The following MTHFD1 variants were observed in gnomAD, a reference collection of about 807,000 sequenced individuals.
MTHFD1 encodes C-1-tetrahydrofolate synthase, cytoplasmic.
A neutral mutation model predicts 110.3 loss-of-function variants in MTHFD1; 44 were observed. That is an observed-to-expected ratio of 0.40 (90% CI 0.31 to 0.51). MTHFD1 has a LOEUF of 0.51. MTHFD1 is among the 20% of genes least tolerant of loss of function. The probability of loss-of-function intolerance (pLI) is 0.60; values close to 1 mark genes in which losing one functional copy is unlikely to be tolerated. For missense variants in MTHFD1, 909 were observed against 1,173.1 expected (o/e 0.77, Z 3.29); for synonymous variants, 402 against 428.8 (o/e 0.94, Z 0.77).
Position 64,459,967 on chromosome 14 carries a change from T to C in MTHFD1, c.*213T>C, listed in dbSNP as rs1188193863. 45 of 1,501,492 alleles carry C rather than the reference T, an allele frequency of 3.0e-5. No homozygotes were observed. The highest frequency in any genetic ancestry group is 4.2e-5 in the African/African-American group (3 of 72,016). The allele number at this position is 1,501,492 out of a possible 1,614,324, so 93.0% of individuals were successfully genotyped here. A position where few individuals can be genotyped will look rare whatever the true frequency, so the allele number is the denominator to read the frequency against. ...ATAAATCATGCATGTCTGTTTACTT[T>C]AGTGACGTTCCACAGAATAAAAGGA... On this transcript the variant is annotated 3_prime_UTR_variant, in exon 28 of 28. Coordinates refer to ENST00000652337, the MANE Select transcript of MTHFD1 (RefSeq NM_005956.4).
At position 64,442,039 on chromosome 14, in the gene MTHFD1, T is replaced by A. The variant is rs2078253446; in HGVS notation, c.1885-15T>A. 1 of 1,581,980 alleles carries A rather than the reference T, an allele frequency of 6.3e-7. No individual in the cohort carries two copies. The highest frequency in any genetic ancestry group is 8.7e-7 in the Non-Finnish European group (1 of 1,150,736). On this transcript the variant is annotated splice_polypyrimidine_tract_variant and intron_variant, in intron 19 of 27. Transcript: ENST00000652337. Reference sequence around the variant, plus strand: ...AGGATTGGCAGCTCAGCTCACGGTGTCCTGGTTTCCACAGGGCACTCCAGT... The same window carrying A: ...AGGATTGGCAGCTCAGCTCACGGTGACCTGGTTTCCACAGGGCACTCCAGT...
At chr14:64,416,327 A>G (rs1042220043) in intron 6 of MTHFD1, among the ~76,000 whole-genome samples, 1 of 152,212 alleles carries the variant, frequency 6.6e-6, no homozygotes, top group Non-Finnish European at 1.5e-5. Flanking sequence ...CGGAACCAAG[A>G]TTTGAATTCA....
chr14:64,399,127 C>T (rs573878398), intron 1 of MTHFD1, among the ~76,000 whole-genome samples: 1 of 152,120 alleles, frequency 6.6e-6, no homozygotes, highest in Non-Finnish European at 1.5e-5. Context: ...TATGTGGATA[C>T]GCTGTGGTCA....
At chr14:64,458,421 C>T in intron 27 of MTHFD1, 114 bp downstream of exon 27, 2 of 781,436 alleles carry the variant, frequency 2.6e-6, no homozygotes, top group Non-Finnish European at 4.6e-6. Context: ...CAAAACATTT[C>T]TTTTCAGACT....
At chr14:64,389,609 T>A (rs2077788738) in intron 1 of MTHFD1, among the ~76,000 whole-genome samples, 1 of 151,948 alleles carries the variant, frequency 6.6e-6, no homozygotes, top group Non-Finnish European at 1.5e-5. Context: ...CTTGGGAGGC[T>A]GAGGCAGGAG....
At chr14:64,440,853 T>G (rs2078241686) in intron 18 of MTHFD1, 2 of 234,110 alleles carry the variant, frequency 8.5e-6, no homozygotes, top group Admixed American at 1.0e-4. Flanking sequence ...TTTCTAGAGT[T>G]ACATGTTTTT....
At chr14:64,416,272 A>AACAC (rs2078025911) in intron 6 of MTHFD1, among the ~76,000 whole-genome samples, 1 of 152,016 alleles carries the variant, frequency 6.6e-6, no homozygotes, top group African/African-American at 2.4e-5. Context: ...CAAACAAACA[A>AACAC]ACAAAACCAG....
intron 15 of MTHFD1, 36 bp from the exon 16 acceptor site, chr14:64,435,533 G>T: frequency 1.4e-6 from 2 of 1,382,840 alleles, no homozygotes; most frequent in African/African-American, 2.8e-5. Context: ...GCTTCTGTTT[G>T]TCTTATTTTA....
In MTHFD1 at chr14:64,435,377, A is replaced by AT. The variant is rs368272012; in HGVS notation, c.1495-186dup. On this transcript the variant is annotated intron_variant, in intron 15 of 27. Coordinates refer to ENST00000652337, the MANE Select transcript of MTHFD1 (RefSeq NM_005956.4). ...AATAAACTCAACCTACTTGGAGATAATTTTTTGTAATGTCTTTCTTTAGGC... is the reference window on the plus strand; with the variant it reads ...AATAAACTCAACCTACTTGGAGATAATTTTTTTGTAATGTCTTTCTTTAGGC... 5.0e-3 allele frequency among the ~76,000 whole-genome samples: 768 copies of AT among 152,186 alleles called. 5 individuals carry two copies. The highest frequency in any genetic ancestry group is 0.018 in the African/African-American group (734 of 41,520).
intron 17 of MTHFD1, among the ~76,000 whole-genome samples, chr14:64,439,535 A>C (rs781727012): frequency 6.6e-6 from 1 of 152,230 alleles, no homozygotes. Flanking sequence ...CAATAAGCGC[A>C]TGATTATAAG....
At chr14:64,446,198 A>G (rs886417858) in intron 22 of MTHFD1, among the ~76,000 whole-genome samples, 4 of 152,224 alleles carry the variant, frequency 2.6e-5, no homozygotes, top group Non-Finnish European at 2.9e-5. Flanking sequence ...TCCCCTTAAC[A>G]GTTCGGTGCA....
intron 1 of MTHFD1, among the ~76,000 whole-genome samples, chr14:64,400,553 G>A (rs1311638221): frequency 2.0e-5 from 3 of 152,108 alleles, no homozygotes; most frequent in Admixed American, 6.6e-5. Context: ...AGGTGTGGTG[G>A]CACAGACCTG....
intron 15 of MTHFD1, among the ~76,000 whole-genome samples, chr14:64,433,821 G>A (rs1405188730): frequency 6.6e-6 from 1 of 151,166 alleles, no homozygotes; most frequent in African/African-American, 2.4e-5. Flanking sequence ...ACCTGAGGTT[G>A]GGAGTTTGAG....
intron 3 of MTHFD1, among the ~76,000 whole-genome samples, chr14:64,411,568 T>C (rs1268815910): frequency 1.3e-5 from 2 of 152,220 alleles, no homozygotes; most frequent in African/African-American, 4.8e-5. Flanking sequence ...TAGTCATTCA[T>C]GACCTTCTCT....
intron 18 of MTHFD1, 31 bp downstream of exon 18, chr14:64,440,297 C>T (rs2078237868): frequency 6.2e-7 from 1 of 1,613,914 alleles, no homozygotes; most frequent in Admixed American, 1.7e-5. Flanking sequence ...GGCTTGGCGA[C>T]ATATCTGTGT....
chr14:64,447,454 CTTTTT>C (rs34013579), intron 22 of MTHFD1, among the ~76,000 whole-genome samples: 1 of 127,040 alleles, frequency 7.9e-6, no homozygotes, highest in Non-Finnish European at 1.6e-5. Context: ...AGGTCCGGCC[CTTTTT>C]TTTTTTTTTT....
chr14:64,435,171 A>G (rs1379898705), intron 15 of MTHFD1, among the ~76,000 whole-genome samples: 1 of 151,598 alleles, frequency 6.6e-6, no homozygotes, highest in Non-Finnish European at 1.5e-5. Context: ...GGCTGGTCTC[A>G]AACTCCTGAC....
Position 64,459,828 on chromosome 14 carries a change from G to C in MTHFD1, c.*74G>C, listed in dbSNP as rs1275170037. 1 of 1,535,894 alleles carries C rather than the reference G, an allele frequency of 6.5e-7. No homozygotes were observed. Among genetic ancestry groups the C allele is most frequent in the African/African-American group, 1.4e-5 (1 of 73,044 alleles). Reference sequence around the variant, plus strand: ...GTCTATTCAGGCCCACTGGGAGTTAGGAAGTATAAGTAAGCCAAGAGAAGT... The same window carrying C: ...GTCTATTCAGGCCCACTGGGAGTTACGAAGTATAAGTAAGCCAAGAGAAGT... On this transcript the variant is annotated 3_prime_UTR_variant, in exon 28 of 28. Coordinates refer to ENST00000652337, the MANE Select transcript of MTHFD1 (RefSeq NM_005956.4).
At chr14:64,448,426 T>C in intron 23 of MTHFD1, 109 bp downstream of exon 23, 4 of 891,280 alleles carry the variant, frequency 4.5e-6, no homozygotes, top group South Asian at 1.4e-5. Flanking sequence ...CTATTGGTTA[T>C]AGCCTGTGGT....
Sources: gnomAD v4.1 joint callset for allele counts (sites outside exome capture counted in the v4.1 genomes callset) on GRCh38, gnomAD v4.1.1 for gene constraint, MANE v1.5 for transcripts, NCBI Gene and HGNC (gene_info 2026-07-23, HGNC 2026-07-21) for gene names.